The following NWD2 variants were observed in gnomAD, a reference collection of about 807,000 sequenced individuals.
NWD2 encodes the protein NACHT and WD repeat domain-containing protein 2.
A neutral mutation model predicts 132.7 loss-of-function variants in NWD2; 37 were observed. The observed-to-expected ratio is 0.28, with a 90% confidence interval of 0.21 to 0.37. The LOEUF (loss-of-function observed/expected upper bound fraction) is 0.37. Ranked by LOEUF, NWD2 falls within the 10% of genes least tolerant of loss-of-function variation. The pLI is 1.00. For synonymous variants in NWD2, 705 were observed against 803.0 expected (o/e 0.88, Z 2.06); for missense variants, 1,592 against 2,122.4 (o/e 0.75, Z 4.91).
intron 3 of NWD2, among the ~76,000 whole-genome samples, chr4:37,398,368 C>T (rs576214045): frequency 6.6e-6 from 1 of 152,284 alleles, no homozygotes; most frequent in African/African-American, 2.4e-5. Context: ...CCAAACACTG[C>T]ATGTTCTCAG....
At chr4:37,315,925 A>G (rs1718947997) in intron 1 of NWD2, among the ~76,000 whole-genome samples, 1 of 152,058 alleles carries the variant, frequency 6.6e-6, no homozygotes, top group South Asian at 2.1e-4. Context: ...TTGTTAAAGC[A>G]AAAATACTTT....
chr4:37,327,891 G>A (rs1203763429), intron 2 of NWD2, among the ~76,000 whole-genome samples: 1 of 151,960 alleles, frequency 6.6e-6, no homozygotes, highest in East Asian at 1.9e-4. Context: ...CAGAACATAT[G>A]GTTTCCTAGA....
At chr4:37,364,598 T>C (rs1016083578) in intron 3 of NWD2, among the ~76,000 whole-genome samples, 12 of 151,914 alleles carry the variant, frequency 7.9e-5, no homozygotes, top group African/African-American at 2.4e-4. Context: ...TCTGTCAGCA[T>C]TGAGTAAAGA....
intron 2 of NWD2, among the ~76,000 whole-genome samples, chr4:37,326,547 T>C (rs1309717557): frequency 1.3e-5 from 2 of 152,232 alleles, no homozygotes; most frequent in East Asian, 3.8e-4. Flanking sequence ...GAGACAGCGA[T>C]GGCACACATC....
At chr4:37,312,889 G>A (rs1305690734) in intron 1 of NWD2, among the ~76,000 whole-genome samples, 1 of 150,436 alleles carries the variant, frequency 6.6e-6, no homozygotes, top group Non-Finnish European at 1.5e-5. Context: ...TGAGATAATC[G>A]TGGTTTTTGT....
At chr4:37,441,697 G>A (rs1339648474) in intron 6 of NWD2, among the ~76,000 whole-genome samples, 3 of 152,150 alleles carry the variant, frequency 2.0e-5, no homozygotes, top group Admixed American at 6.5e-5. Flanking sequence ...CAGGAGTCGG[G>A]TCCTCCAAGA....
chr4:37,252,184 A>G (rs1717391147), intron 1 of NWD2, among the ~76,000 whole-genome samples: 1 of 152,224 alleles, frequency 6.6e-6, no homozygotes, highest in South Asian at 2.1e-4. Flanking sequence ...ATAGAAAGAA[A>G]TAGTCTTTAT....
intron 2 of NWD2, among the ~76,000 whole-genome samples, chr4:37,353,043 G>A (rs1719801054): frequency 6.6e-6 from 1 of 152,164 alleles, no homozygotes; most frequent in Non-Finnish European, 1.5e-5. Context: ...TTGTAAGGCA[G>A]GCCTGATGGT....
intron 1 of NWD2, among the ~76,000 whole-genome samples, chr4:37,278,767 C>T (rs1050710664): frequency 3.9e-5 from 6 of 152,124 alleles, no homozygotes; most frequent in Admixed American, 6.6e-5. Context: ...TTTCCCAAAA[C>T]GCATACACCT....
chr4:37,308,189 C>T (rs1694779657), intron 1 of NWD2, among the ~76,000 whole-genome samples: 1 of 152,034 alleles, frequency 6.6e-6, no homozygotes, highest in Non-Finnish European at 1.5e-5. Flanking sequence ...TTTTTACATC[C>T]CTATGTTAAT....
chr4:37,334,865 C>T (rs1447793103), intron 2 of NWD2, among the ~76,000 whole-genome samples: 2 of 152,116 alleles, frequency 1.3e-5, no homozygotes, highest in Non-Finnish European at 2.9e-5. Context: ...CTCTGACATC[C>T]ATTAAATCCC....
At chr4:37,434,088 T>C in intron 5 of NWD2, 68 bp downstream of exon 5, 2 of 980,940 alleles carry the variant, frequency 2.0e-6, no homozygotes, top group South Asian at 2.6e-5. Flanking sequence ...TGCTTCCCTT[T>C]AATGCCCTGC....
intron 3 of NWD2, 25 bp from the exon 4 acceptor site, chr4:37,430,547 A>G: frequency 6.6e-7 from 1 of 1,523,406 alleles, no homozygotes; most frequent in Non-Finnish European, 8.9e-7. Context: ...GATACACTAA[A>G]TTGAACTTTC....
At chr4:37,396,847 A>T (rs1371655842) in intron 3 of NWD2, among the ~76,000 whole-genome samples, 2 of 152,154 alleles carry the variant, frequency 1.3e-5, no homozygotes, top group Non-Finnish European at 2.9e-5. Flanking sequence ...AGCCTAGCCA[A>T]CATGGTGAAA....
At position 37,313,443 on chromosome 4, in the gene NWD2, T is replaced by C. The variant is rs193007937; in HGVS notation, c.152-12493T>C. Among the ~76,000 whole-genome samples the C allele has an allele frequency of 3.3e-3, 501 of 151,296 alleles. 4 individuals are homozygous for C. The highest frequency in any genetic ancestry group is 5.4e-3 in the Non-Finnish European group (366 of 68,030). ...AGTTATTGGTAGTATTCTCTGATGG[T>C]AGTTTGTATTTCTGTGGGATCGGTG... On this transcript the variant is annotated intron_variant, in intron 1 of 6. Coordinates refer to ENST00000309447, the MANE Select transcript of NWD2 (RefSeq NM_001144990.2).
chr4:37,366,883 A>T (rs1268038141), intron 3 of NWD2, among the ~76,000 whole-genome samples: 1 of 152,200 alleles, frequency 6.6e-6, no homozygotes, highest in Non-Finnish European at 1.5e-5. Context: ...TACAGTCATA[A>T]TTGGAGATAT....
intron 1 of NWD2, among the ~76,000 whole-genome samples, chr4:37,278,092 G>A (rs1182990828): frequency 2.6e-5 from 4 of 152,118 alleles, no homozygotes; most frequent in Admixed American, 6.6e-5. Flanking sequence ...TTGTGAGTAA[G>A]TCCTCTGTCA....
chr4:37,267,555 C>G (rs1717780730), intron 1 of NWD2, among the ~76,000 whole-genome samples: 1 of 151,844 alleles, frequency 6.6e-6, no homozygotes, highest in Non-Finnish European at 1.5e-5. Context: ...AAAGCTGTGG[C>G]CTTTGAATTG....
At chr4:37,427,080 G>T (rs1057391856) in intron 3 of NWD2, among the ~76,000 whole-genome samples, 9 of 151,390 alleles carry the variant, frequency 5.9e-5, no homozygotes, top group African/African-American at 2.2e-4. Context: ...TTGGCTACTA[G>T]ATGGAGTGTT....
Sources: allele counts gnomAD v4.1 joint callset (sites outside exome capture counted in the v4.1 genomes callset), GRCh38; gene constraint gnomAD v4.1.1; transcripts MANE v1.5; gene names NCBI Gene and HGNC (gene_info 2026-07-23, HGNC 2026-07-21).